TRPV4: variants seen among roughly 807,000 people sequenced by gnomAD.
TRPV4 encodes OSM9-like transient receptor potential channel 4.
In TRPV4, 58 loss-of-function variants were observed where a neutral mutation model predicts 84.1. That is an observed-to-expected ratio of 0.69 (90% CI 0.56 to 0.86). TRPV4 has a LOEUF of 0.86. Among genes scored for constraint, TRPV4 ranks in the 40% least tolerant of loss-of-function variants. The pLI, the probability that TRPV4 is intolerant of heterozygous loss-of-function variation, is 0.00. For synonymous variants in TRPV4, 489 were observed against 500.9 expected, an observed-to-expected ratio of 0.98 and a Z score of 0.32; for missense variants, 879 against 1,181.1, an observed-to-expected ratio of 0.74 and a Z score of 3.75.
chr12:109,783,550 C>A lies in TRPV4; in HGVS notation c.*71G>T. On this transcript the variant is annotated 3_prime_UTR_variant, in exon 16 of 16. Coordinates refer to ENST00000261740, the MANE Select transcript of TRPV4 (RefSeq NM_021625.5). This position sits in a 1 kb window ranked among gnomAD's most constrained non-coding sequence, Gnocchi z 4.6. ...CAAAGCAGGGTGTGGGGGGACACCC[C>A]AGAAGGCACTGCTGAAATGCGGCTG... is the stretch of plus-strand genomic sequence containing the variant. The A allele has an allele frequency of 3.2e-6, 5 of 1,568,120 alleles. No homozygotes were observed. Among genetic ancestry groups the A allele is most frequent in the Non-Finnish European group, 3.5e-6 (4 of 1,154,898 alleles).
At chr12:109,803,164 G>C (rs1890919985) in intron 3 of TRPV4, 21 bp from the exon 4 acceptor site, 15 of 1,613,162 alleles carry the variant, frequency 9.3e-6, no homozygotes, top group Non-Finnish European at 1.3e-5. Context: ...AGACACACAA[G>C]ATGACGCAGT....
chr12:109,795,865 C>T (rs1463896193), intron 7 of TRPV4, among the ~76,000 whole-genome samples: 5 of 152,032 alleles, frequency 3.3e-5, no homozygotes, highest in Admixed American at 1.3e-4. Flanking sequence ...CCTCCCACCT[C>T]GCCTCCCAAG....
rs144839836 is a variant in TRPV4 at position 109,808,450 on chromosome 12, G to T, written c.405C>A (p.Pro135=). 6.2e-7 allele frequency: 1 copy of T among 1,613,178 alleles called. No homozygotes were observed. Among genetic ancestry groups the T allele is most frequent in the African/African-American group, 1.3e-5 (1 of 74,906 alleles). The change falls in exon 3 of 16, where the codon CCC becomes CCA. Residue 135 remains proline, a synonymous_variant. Coordinates refer to ENST00000261740, the MANE Select transcript of TRPV4 (RefSeq NM_021625.5). ...KKIIEKQPQS[P]KAPAPQPPPI... ...GGGGCGGCTGAGGGGCAGGGGCTTT[G>T]GGGCTCTGCGGCTGCTTCCTGGAGG... is the stretch of plus-strand genomic sequence containing the variant.
intron 7 of TRPV4, among the ~76,000 whole-genome samples, 197 bp from the exon 8 acceptor site, chr12:109,794,684 T>C (rs1387996491): frequency 6.6e-6 from 1 of 152,180 alleles, no homozygotes; most frequent in African/African-American, 2.4e-5. Context: ...CACCCTATTC[T>C]AGCATCACAG....
chr12:109,831,400 C>T (rs183259275), intron 1 of TRPV4, among the ~76,000 whole-genome samples: 39 of 152,364 alleles, frequency 2.6e-4, no homozygotes, highest in African/African-American at 7.9e-4. Flanking sequence ...TACTAAGCGT[C>T]GGCCATCCAT....
chr12:109,811,437 C>G (rs763712059), intron 2 of TRPV4, among the ~76,000 whole-genome samples: 2 of 152,118 alleles, frequency 1.3e-5, no homozygotes, highest in Non-Finnish European at 2.9e-5. Flanking sequence ...GTGGGCAGGT[C>G]ACTTGAGGAC....
At position 109,793,538 on chromosome 12, in the gene TRPV4, G is replaced by A. The variant is rs749772879; in HGVS notation, c.1647C>T (p.Phe549=). Reference sequence around the variant, plus strand: ...GGACCTCTACTCACTAGAGCAGCTGGAAGGAGCCATCAATGAAGAGAGAAT... The same window carrying A: ...GGACCTCTACTCACTAGAGCAGCTGAAAGGAGCCATCAATGAAGAGAGAAT... ...GVNSLFIDGS[F]QLLYFIYSVL... The change falls in exon 10 of 16, where the codon TTC becomes TTT. Residue 549 remains phenylalanine (F), a synonymous_variant. Transcript: ENST00000261740. This position sits in a 1 kb window ranked among gnomAD's most constrained non-coding sequence, Gnocchi z 4.0. 2.5e-6 allele frequency: 4 copies of A among 1,613,982 alleles called. No homozygotes were observed. In the East Asian group the frequency reaches 8.9e-5, roughly 36 times the overall value.
chr12:109,814,607 G>C lies in TRPV4; in HGVS notation c.190C>G (p.Arg64Gly). ...TGGAACTTCATGCGCAGATTTGGTC[G>C]CCCATCGCCTGGGCCAGCAGGGCGA... ...ASRPAGPGDG[R>G]PNLRMKFQGA... is the part of the protein sequence containing the mutation. The change falls in exon 2 of 16, where the codon CGA becomes GGA. Residue 64 changes from arginine to glycine, a missense_variant. Transcript: ENST00000261740. This position sits in a 1 kb window ranked among gnomAD's most constrained non-coding sequence, Gnocchi z 5.4. The C allele has an allele frequency of 6.2e-7, 1 of 1,613,980 alleles. No homozygotes were observed. Among genetic ancestry groups the C allele is most frequent in the Non-Finnish European group, 8.5e-7 (1 of 1,179,994 alleles).
chr12:109,795,674 A>G (rs1273688697), intron 7 of TRPV4, among the ~76,000 whole-genome samples: 1 of 152,228 alleles, frequency 6.6e-6, no homozygotes, highest in African/African-American at 2.4e-5. Flanking sequence ...TTACCAAAGA[A>G]TATTTAAAAG....
chr12:109,821,031 C>T (rs528035586), intron 1 of TRPV4, among the ~76,000 whole-genome samples: 2 of 152,358 alleles, frequency 1.3e-5, no homozygotes, highest in South Asian at 2.1e-4. Context: ...GGCCCATCCT[C>T]GGGGTTACCC....
intron 2 of TRPV4, among the ~76,000 whole-genome samples, chr12:109,812,839 G>T (rs1423734870): frequency 6.6e-6 from 1 of 152,190 alleles, no homozygotes; most frequent in Admixed American, 6.5e-5. Context: ...GGTTATATGG[G>T]TGTATGGCTG....
chr12:109,821,481 G>C lies in TRPV4; in HGVS notation c.-31-6654C>G, dbSNP rs544700227. 1.1e-4 allele frequency among the ~76,000 whole-genome samples: 16 copies of C among 152,146 alleles called. No homozygotes were observed. In the South Asian group the frequency reaches 3.3e-3, roughly 32 times the overall value. On this transcript the variant is annotated intron_variant, in intron 1 of 15. Coordinates refer to ENST00000261740, the MANE Select transcript of TRPV4 (RefSeq NM_021625.5). ...CTGTTTCCCCTGCTCTTTACTCTTA[G>C]AGTAACATGTGCCTTCCTTTACAGC...
Position 109,793,469 on chromosome 12 carries a change from A to G in TRPV4, c.1658+58T>C. The G allele has an allele frequency of 2.1e-6, 3 of 1,440,776 alleles. No individual in the cohort carries two copies. The highest frequency in any genetic ancestry group is 2.0e-6 in the Non-Finnish European group (2 of 1,022,912). 89.2% of individuals were successfully genotyped at this position (1,440,776 alleles called of 1,614,324 possible). ...CCTCTCTCCTGAATCTGGACGACCTAGCAGCCCAAACCCACCTTCCTCACC... is the reference window on the plus strand; with the variant it reads ...CCTCTCTCCTGAATCTGGACGACCTGGCAGCCCAAACCCACCTTCCTCACC... On this transcript the variant is annotated intron_variant, in intron 10 of 15. Coordinates refer to ENST00000261740, the MANE Select transcript of TRPV4 (RefSeq NM_021625.5). This position sits in a 1 kb window ranked among gnomAD's most constrained non-coding sequence, Gnocchi z 4.0.
rs769199876 is a variant in TRPV4, at chr12:109,796,507, C to T, written c.1332+18G>A. On this transcript the variant is annotated intron_variant, in intron 7 of 15. Transcript: ENST00000261740. This position sits in a 1 kb window ranked among gnomAD's most constrained non-coding sequence, Gnocchi z 4.2. ...TGCCCCTCCTTCCTCACACCCCATG[C>T]CCCCTCCTGGAGCCCACCTCAATCT... The T allele has an allele frequency of 1.3e-5, 21 of 1,613,636 alleles. No homozygotes were observed. In the East Asian group the frequency reaches 2.5e-4, roughly 19 times the overall value.
At chr12:109,826,753 A>T (rs1457028591) in intron 1 of TRPV4, among the ~76,000 whole-genome samples, 1 of 152,226 alleles carries the variant, frequency 6.6e-6, no homozygotes, top group Non-Finnish European at 1.5e-5. Flanking sequence ...TTTGCCATTT[A>T]GTAACTGCGT....
chr12:109,827,101 C>A (rs1188497813), intron 1 of TRPV4, among the ~76,000 whole-genome samples: 1 of 152,178 alleles, frequency 6.6e-6, no homozygotes, highest in Non-Finnish European at 1.5e-5. Context: ...GCAGACAGGT[C>A]TCCAAAGCGA....
intron 1 of TRPV4, among the ~76,000 whole-genome samples, chr12:109,820,616 G>A (rs1405671427): frequency 6.9e-6 from 1 of 143,946 alleles, no homozygotes; most frequent in Non-Finnish European, 1.5e-5. Context: ...TCCGCCTCCC[G>A]GGTTCACGCC....
intron 2 of TRPV4, among the ~76,000 whole-genome samples, chr12:109,810,689 A>G (rs1307936954): frequency 1.3e-5 from 2 of 152,186 alleles, no homozygotes; most frequent in Non-Finnish European, 2.9e-5. Context: ...GGCAGCCCCC[A>G]CTTTACCTCT....
Position 109,814,774 on chromosome 12 carries a change from G to A in TRPV4, c.23C>T (p.Pro8Leu). 6.5e-7 allele frequency: 1 copy of A among 1,549,148 alleles called. No individual in the cohort carries two copies. Among genetic ancestry groups the A allele is most frequent in the South Asian group, 1.2e-5 (1 of 84,750 alleles). MADSSEG[P>L]RAGPGEVAEL... ...AGCCACCTCCCCGGGCCCCGCGCGG[G>A]GGCCTTCGCTGGAATCCGCCATGCC... The change falls in exon 2 of 16, where the codon CCC becomes CTC. Residue 8 changes from proline (P) to leucine (L), a missense_variant. Coordinates refer to ENST00000261740, the MANE Select transcript of TRPV4 (RefSeq NM_021625.5). This position sits in a 1 kb window ranked among gnomAD's most constrained non-coding sequence, Gnocchi z 5.4.
Sources: allele counts gnomAD v4.1 joint callset (sites outside exome capture counted in the v4.1 genomes callset), GRCh38; gene constraint gnomAD v4.1.1; non-coding constraint Gnocchi (gnomAD v3.1); transcripts MANE v1.5; gene names NCBI Gene and HGNC (gene_info 2026-07-23, HGNC 2026-07-21).